The following PPP3CA variants were observed in gnomAD, a reference collection of about 807,000 sequenced individuals.
PPP3CA encodes protein phosphatase 3 catalytic subunit alpha.
Under a neutral mutation model 66.5 loss-of-function variants are expected in PPP3CA, and 14 were observed. The ratio of observed to expected loss-of-function variants is 0.21; its 90% CI spans 0.14 to 0.33. The LOEUF is 0.33. Ranked by LOEUF, PPP3CA falls within the 10% of genes least tolerant of loss-of-function variation. PPP3CA has a pLI of 1.00. For missense variants in PPP3CA, 317 were observed against 639.5 expected, an observed-to-expected ratio of 0.50 and a Z score of 5.44; for synonymous variants, 232 against 226.2, an observed-to-expected ratio of 1.03 and a Z score of -0.23.
chr4:101,334,302 T>G (rs935645734), intron 1 of PPP3CA, among the ~76,000 whole-genome samples: 5 of 152,104 alleles, frequency 3.3e-5, no homozygotes, highest in Admixed American at 6.5e-5. Context: ...GCACAGCTAA[T>G]TTTTATATTT....
intron 2 of PPP3CA, among the ~76,000 whole-genome samples, chr4:101,146,465 T>TG (rs1722972986): frequency 6.6e-6 from 1 of 151,862 alleles, no homozygotes; most frequent in Non-Finnish European, 1.5e-5. Context: ...TTTTTTTAAA[T>TG]GGAGTCTCGC....
chr4:101,195,267 C>T (rs74471706), intron 2 of PPP3CA, among the ~76,000 whole-genome samples: 2 of 128,028 alleles, frequency 1.6e-5, no homozygotes, highest in Non-Finnish European at 3.3e-5. Context: ...AACTTCATCT[C>T]AAAAAAAAAA....
At chr4:101,055,291 A>C (rs973741772) in intron 10 of PPP3CA, among the ~76,000 whole-genome samples, 2 of 152,138 alleles carry the variant, frequency 1.3e-5, no homozygotes, top group African/African-American at 4.8e-5. Context: ...CCTTGGTCTG[A>C]AATGAGCCTT....
intron 5 of PPP3CA, among the ~76,000 whole-genome samples, chr4:101,095,177 A>C (rs1730140395): frequency 6.6e-6 from 1 of 152,206 alleles, no homozygotes; most frequent in Non-Finnish European, 1.5e-5. Context: ...TAAGAGATTT[A>C]AATAATTTAT....
Position 101,025,885 on chromosome 4 carries a change from T to C in PPP3CA, c.1546A>G (p.Asn516Asp). The stretch of plus-strand genomic sequence containing the variant: ...AGTGGTCACTGAATATTGCTGCTAT[T>C]ACTGCCATTGCTGTCCGTGCCGTTA... Reference protein sequence around the residue: ...ETNGTDSNGSNSSNIQ With the variant: ...ETNGTDSNGSDSSNIQ Residue 516 changes from asparagine to aspartate, a missense_variant, in exon 14 of 14, where the codon AAT (asparagine) becomes GAT (aspartate). By Grantham distance (23) the Asn-to-Asp change is conservative. Transcript: ENST00000394854. The C allele has an allele frequency of 6.5e-7, 1 of 1,545,896 alleles. No homozygotes were observed. Among genetic ancestry groups the C allele is most frequent in the Non-Finnish European group, 8.8e-7 (1 of 1,137,252 alleles).
At chr4:101,304,432 G>C (rs1354817280) in intron 1 of PPP3CA, among the ~76,000 whole-genome samples, 1 of 152,124 alleles carries the variant, frequency 6.6e-6, no homozygotes, top group African/African-American at 2.4e-5. Context: ...TGCCAATAGA[G>C]ACCTACAGTT....
chr4:101,243,713 C>T (rs1726387028), intron 1 of PPP3CA, among the ~76,000 whole-genome samples: 2 of 152,102 alleles, frequency 1.3e-5, no homozygotes, highest in African/African-American at 4.8e-5. Context: ...GGTCCTAGAA[C>T]CAATCCCACA....
chr4:101,059,964 G>A (rs758517507), intron 10 of PPP3CA, among the ~76,000 whole-genome samples: 4 of 151,908 alleles, frequency 2.6e-5, no homozygotes, highest in Non-Finnish European at 5.9e-5. Context: ...TATTATTTAC[G>A]GAAAAATGAC....
intron 10 of PPP3CA, among the ~76,000 whole-genome samples, chr4:101,048,509 CAAAAAA>C (rs59988569): frequency 1.5e-5 from 1 of 66,350 alleles, no homozygotes; most frequent in South Asian, 4.7e-4. Context: ...TTTCTCTCAC[CAAAAAA>C]AAAAAAAAAA....
chr4:101,208,808 A>T (rs1725216683), intron 1 of PPP3CA, among the ~76,000 whole-genome samples: 1 of 152,200 alleles, frequency 6.6e-6, no homozygotes, highest in Non-Finnish European at 1.5e-5. Context: ...TCAAATCAGT[A>T]GAAGGTTCTC....
At chr4:101,051,119 A>T (rs1011418510) in intron 10 of PPP3CA, among the ~76,000 whole-genome samples, 2 of 152,098 alleles carry the variant, frequency 1.3e-5, no homozygotes, top group Non-Finnish European at 2.9e-5. Context: ...TAGAAACTAC[A>T]TTTCTATTTC....
chr4:101,089,030 C>A (rs1367495988), intron 6 of PPP3CA, among the ~76,000 whole-genome samples: 2 of 152,064 alleles, frequency 1.3e-5, no homozygotes, highest in Admixed American at 1.3e-4. Flanking sequence ...CCCTTTCAGG[C>A]ATGGTGAGTT....
intron 3 of PPP3CA, among the ~76,000 whole-genome samples, chr4:101,106,452 AG>A (rs776328878): frequency 0.15 from 5,423 of 35,894 alleles, 1,227 homozygotes; most frequent in Non-Finnish European, 0.17. Context: ...AAAGAAAGAA[AG>A]AGAAAAGAAA....
intron 1 of PPP3CA, among the ~76,000 whole-genome samples, chr4:101,278,144 A>T (rs13121347): frequency 0.64 from 92,407 of 145,196 alleles, 31,091 homozygotes; most frequent in Non-Finnish European, 0.74. Context: ...AAAAAATAAA[A>T]AAATTAAAAA....
intron 2 of PPP3CA, among the ~76,000 whole-genome samples, chr4:101,133,306 A>C (rs1487832234): frequency 6.6e-6 from 1 of 152,212 alleles, no homozygotes; most frequent in African/African-American, 2.4e-5. Context: ...AAGAAGTCAA[A>C]TTATCTCTGT....
At chr4:101,227,102 G>A (rs1175583739) in intron 1 of PPP3CA, among the ~76,000 whole-genome samples, 2 of 132,306 alleles carry the variant, frequency 1.5e-5, no homozygotes, top group Admixed American at 8.0e-5. Context: ...GTAATGGTAG[G>A]TAGGTGTGTA....
intron 8 of PPP3CA, among the ~76,000 whole-genome samples, chr4:101,075,258 C>G (rs1729135123): frequency 6.6e-6 from 1 of 152,178 alleles, no homozygotes; most frequent in South Asian, 2.1e-4. Flanking sequence ...CCTCTCTCTT[C>G]CTTAACTACT....
chr4:101,336,048 TAC>T (rs150022258), intron 1 of PPP3CA, among the ~76,000 whole-genome samples: 1 of 150,346 alleles, frequency 6.7e-6, no homozygotes, highest in Non-Finnish European at 1.5e-5. Context: ...CTACTAAAAA[TAC>T]ACACACACAC....
chr4:101,109,809 C>G (rs926829889), intron 2 of PPP3CA, among the ~76,000 whole-genome samples: 1 of 152,230 alleles, frequency 6.6e-6, no homozygotes, highest in South Asian at 2.1e-4. Flanking sequence ...TTCTCACTTT[C>G]TCTTTTAAAC....
Sources: gnomAD v4.1 joint callset for allele counts (sites outside exome capture counted in the v4.1 genomes callset) on GRCh38, gnomAD v4.1.1 for gene constraint, MANE v1.5 for transcripts, NCBI Gene and HGNC (gene_info 2026-07-23, HGNC 2026-07-21) for gene names.